PHF20L1: variants seen among roughly 807,000 people sequenced by gnomAD.
The protein encoded by PHF20L1 is PHD finger protein 20-like protein 1.
In PHF20L1, 44 loss-of-function variants were observed where a neutral mutation model predicts 125.5. The ratio of observed to expected loss-of-function variants is 0.35; its 90% confidence interval spans 0.28 to 0.45. The LOEUF is 0.45. PHF20L1 is among the 20% of genes least tolerant of loss of function. The pLI is 1.00. For missense variants in PHF20L1, 1,012 were observed against 1,217.2 expected (o/e 0.83, Z 2.51); for synonymous variants, 380 against 403.1 (o/e 0.94, Z 0.69).
intron 9 of PHF20L1, among the ~76,000 whole-genome samples, chr8:132,813,687 C>T (rs954733670): frequency 6.6e-6 from 1 of 151,938 alleles, no homozygotes; most frequent in Admixed American, 6.6e-5. Flanking sequence ...ATTTTGCTCT[C>T]AGATAAGTAT....
At chr8:132,778,870 G>A (rs1438183494) in intron 2 of PHF20L1, among the ~76,000 whole-genome samples, 1 of 152,144 alleles carries the variant, frequency 6.6e-6, no homozygotes, top group African/African-American at 2.4e-5. Context: ...GCGAGTTCTT[G>A]TTTAGCAGCT....
At chr8:132,778,053 T>G in intron 2 of PHF20L1, 142 bp downstream of exon 2, 1 of 589,088 alleles carries the variant, frequency 1.7e-6, no homozygotes, top group East Asian at 2.8e-5. Context: ...TGTTTTTTAG[T>G]TTTCCTACTC....
At chr8:132,835,446 C>G (rs1276471110) in intron 15 of PHF20L1, among the ~76,000 whole-genome samples, 3 of 152,024 alleles carry the variant, frequency 2.0e-5, no homozygotes, top group African/African-American at 7.2e-5. Flanking sequence ...TTTAGTGTTC[C>G]ATCATCATTT....
intron 16 of PHF20L1, among the ~76,000 whole-genome samples, chr8:132,837,227 A>C (rs1454365616): frequency 1.3e-5 from 2 of 152,126 alleles, no homozygotes; most frequent in African/African-American, 4.8e-5. Context: ...GAAGATTTGG[A>C]GATGTTAGTT....
chr8:132,836,607 C>T lies in PHF20L1; in HGVS notation c.1977C>T (p.Tyr659=). The T allele has an allele frequency of 1.2e-6, 2 of 1,611,470 alleles. No homozygotes were observed. Among genetic ancestry groups the T allele is most frequent in the Middle Eastern group, 1.7e-4 (1 of 6,046 alleles). ...GTTTGCTTCTGAGTGGGGATGAATACAATCAGGACTTTGATTCAACCAATT... is the reference window on the plus strand; with the variant it reads ...GTTTGCTTCTGAGTGGGGATGAATATAATCAGGACTTTGATTCAACCAATT... ...TESLLLSGDE[Y]NQDFDSTNFE... is the part of the protein sequence containing the mutation. Residue 659 remains tyrosine, a synonymous_variant, in exon 16 of 21, where the codon TAC becomes TAT. Transcript: ENST00000395386.
Position 132,798,864 on chromosome 8 carries a change from A to G in PHF20L1, c.429+4A>G. The stretch of plus-strand genomic sequence containing the variant: ...GCCCGAGGATGCTAAGGGGCAGGTA[A>G]GAGTGTTCAGTATTCCTAGCTACCC... On this transcript the variant is annotated splice_donor_region_variant and intron_variant, in intron 5 of 20. Coordinates refer to ENST00000395386, the MANE Select transcript of PHF20L1 (RefSeq NM_016018.5). 1.3e-6 allele frequency: 2 copies of G among 1,590,730 alleles called. No homozygotes were observed. The highest frequency in any genetic ancestry group is 1.7e-6 in the Non-Finnish European group (2 of 1,161,338).
At chr8:132,778,507 T>C (rs746636630) in intron 2 of PHF20L1, among the ~76,000 whole-genome samples, 1 of 152,226 alleles carries the variant, frequency 6.6e-6, no homozygotes, top group Non-Finnish European at 1.5e-5. Flanking sequence ...TCAGAACTTG[T>C]GTGTCTCCCC....
intron 12 of PHF20L1, among the ~76,000 whole-genome samples, chr8:132,819,787 C>A (rs903964173): frequency 3.3e-5 from 5 of 151,804 alleles, no homozygotes; most frequent in Non-Finnish European, 5.9e-5. Context: ...AATTTTAAAA[C>A]TGATAATTGA....
At chr8:132,817,793 GCTT>G in intron 12 of PHF20L1, 1 of 362,490 alleles carries the variant, frequency 2.8e-6, no homozygotes, top group Non-Finnish European at 4.9e-6. Context: ...CCTTCTCCCT[GCTT>G]CTTTTTTATA....
intron 8 of PHF20L1, chr8:132,807,526 C>G (rs1411269252): frequency 3.7e-6 from 1 of 266,952 alleles, no homozygotes; most frequent in African/African-American, 2.3e-5. Flanking sequence ...TTAAAAAATC[C>G]TGAAATTTGA....
At chr8:132,832,503 A>G in intron 15 of PHF20L1, 104 bp downstream of exon 15, 1 of 741,464 alleles carries the variant, frequency 1.3e-6, no homozygotes, top group Non-Finnish European at 2.2e-6. Flanking sequence ...AAAACTTGTT[A>G]GCTAAACTAA....
At position 132,799,185 on chromosome 8, in the gene PHF20L1, T is replaced by A. The variant is rs533813478; in HGVS notation, c.507+13T>A. On this transcript the variant is annotated intron_variant, in intron 6 of 20. Coordinates refer to ENST00000395386, the MANE Select transcript of PHF20L1 (RefSeq NM_016018.5). Reference sequence around the variant, plus strand: ...TATGGGAAGTGAGGTAAGAGCCTTTTTTTTAAAAATTTTGTTTTGTTTTTC... The same window carrying A: ...TATGGGAAGTGAGGTAAGAGCCTTTATTTTAAAAATTTTGTTTTGTTTTTC... The A allele has an allele frequency of 6.4e-7, 1 of 1,560,106 alleles. No individual in the cohort carries two copies. Among genetic ancestry groups the A allele is most frequent in the African/African-American group, 1.4e-5 (1 of 73,598 alleles).
intron 18 of PHF20L1, chr8:132,842,236 A>G (rs1483861285): frequency 1.1e-5 from 3 of 262,588 alleles, no homozygotes; most frequent in Middle Eastern, 1.1e-3. Flanking sequence ...TGAAAATGAC[A>G]ATGACAAATC....
intron 10 of PHF20L1, 90 bp from the exon 11 acceptor site, chr8:132,816,798 A>T (rs905878650): frequency 1.1e-6 from 1 of 879,652 alleles, no homozygotes; most frequent in African/African-American, 1.7e-5. Context: ...AGGGAAGAAT[A>T]TAAATCATTT....
In PHF20L1 at chr8:132,777,818, A is replaced by G; in HGVS notation, c.-11A>G. On this transcript the variant is annotated 5_prime_UTR_variant, in exon 2 of 21. In the 5' UTR this introduces an upstream ATG that the reference lacks. Coordinates refer to ENST00000395386, the MANE Select transcript of PHF20L1 (RefSeq NM_016018.5). ...TAGTGAAAAGAGAATACTGAAGAAT[A>G]GGATCTCAAGATGAGTAAAAAGCCC... is the stretch of plus-strand genomic sequence containing the variant. 1 of 1,590,804 alleles carries G rather than the reference A, an allele frequency of 6.3e-7. No individual in the cohort carries two copies. Among genetic ancestry groups the G allele is most frequent in the Non-Finnish European group, 8.6e-7 (1 of 1,159,186 alleles).
At chr8:132,827,387 A>G (rs1030982867) in intron 14 of PHF20L1, among the ~76,000 whole-genome samples, 12 of 152,178 alleles carry the variant, frequency 7.9e-5, no homozygotes, top group African/African-American at 2.9e-4. Context: ...GGATTTGCCT[A>G]GCTTAGGTGT....
chr8:132,778,851 T>G (rs1402783706), intron 2 of PHF20L1, among the ~76,000 whole-genome samples: 1 of 152,218 alleles, frequency 6.6e-6, no homozygotes, highest in African/African-American at 2.4e-5. Context: ...GAAGCCCGTT[T>G]ATTTTGATGC....
intron 12 of PHF20L1, 83 bp downstream of exon 12, chr8:132,817,628 A>G (rs1835124268): frequency 1.1e-6 from 1 of 876,496 alleles, no homozygotes; most frequent in Non-Finnish European, 1.7e-6. Flanking sequence ...TTGAGGTTTA[A>G]CTACATTATT....
intron 15 of PHF20L1, 62 bp downstream of exon 15, chr8:132,832,461 T>A: frequency 8.5e-7 from 1 of 1,174,988 alleles, no homozygotes; most frequent in Non-Finnish European, 1.3e-6. Context: ...TAACTGAGAA[T>A]AAAACGTACT....
Sources: allele counts gnomAD v4.1 joint callset (sites outside exome capture counted in the v4.1 genomes callset), GRCh38; gene constraint gnomAD v4.1.1; transcripts MANE v1.5; gene names NCBI Gene and HGNC (gene_info 2026-07-23, HGNC 2026-07-21).